The following NCOA3 variants were observed in gnomAD, a reference collection of about 807,000 sequenced individuals.
NCOA3 encodes CBP-interacting protein.
A neutral mutation model predicts 158.8 loss-of-function variants in NCOA3; 51 were observed. That is an observed-to-expected ratio of 0.32 (90% confidence interval 0.26 to 0.41). The LOEUF is 0.41. Ranked by LOEUF, NCOA3 falls within the 10% of genes least tolerant of loss-of-function variation. The pLI, the probability that NCOA3 is intolerant of heterozygous loss-of-function variation, is 1.00. For synonymous variants in NCOA3, 537 were observed against 592.4 expected, an observed-to-expected ratio of 0.91 and a Z score of 1.36; for missense variants, 1,510 against 1,746.6, an observed-to-expected ratio of 0.86 and a Z score of 2.41.
intron 1 of NCOA3, among the ~76,000 whole-genome samples, chr20:47,544,332 TTTTTTC>T (rs200195084): frequency 0.13 from 19,265 of 144,642 alleles, 1,674 homozygotes; most frequent in African/African-American, 0.27. Flanking sequence ...TTTTTTTTTT[TTTTTTC>T]CCTTAAACGC....
chr20:47,547,571 C>T (rs1458570937), intron 1 of NCOA3, among the ~76,000 whole-genome samples: 1 of 151,918 alleles, frequency 6.6e-6, no homozygotes, highest in Non-Finnish European at 1.5e-5. Context: ...CATCACCATG[C>T]CCGACTAATT....
At chr20:47,551,019 G>A (rs2084920307) in intron 1 of NCOA3, among the ~76,000 whole-genome samples, 1 of 151,958 alleles carries the variant, frequency 6.6e-6, no homozygotes, top group Non-Finnish European at 1.5e-5. Context: ...TCAGATATAG[G>A]ATAATAAAAT....
At chr20:47,586,468 C>T (rs2085537982) in intron 2 of NCOA3, among the ~76,000 whole-genome samples, 1 of 152,010 alleles carries the variant, frequency 6.6e-6, no homozygotes. Flanking sequence ...TGTATTCCTA[C>T]AGATAGGGTC....
At chr20:47,552,502 C>T (rs948626319) in intron 1 of NCOA3, among the ~76,000 whole-genome samples, 8 of 152,044 alleles carry the variant, frequency 5.3e-5, no homozygotes, top group African/African-American at 1.4e-4. Flanking sequence ...TTGCTGAAGC[C>T]CTTGTCCATA....
intron 2 of NCOA3, among the ~76,000 whole-genome samples, chr20:47,605,022 T>C (rs1347905754): frequency 6.6e-6 from 1 of 152,046 alleles, no homozygotes; most frequent in Non-Finnish European, 1.5e-5. Flanking sequence ...CGCATGCCAC[T>C]ACCCCCGGCC....
intron 1 of NCOA3, among the ~76,000 whole-genome samples, chr20:47,511,524 GATATATATATAT>G (rs34123990): frequency 0.019 from 411 of 22,016 alleles, 32 homozygotes; most frequent in African/African-American, 0.035. Context: ...TCTCTCTCGA[GATATATATATAT>G]ATATATATAT....
intron 1 of NCOA3, among the ~76,000 whole-genome samples, chr20:47,558,232 ATTTTTTTT>A (rs71183263): frequency 2.3e-4 from 13 of 55,536 alleles, no homozygotes; most frequent in African/African-American, 4.5e-4. Flanking sequence ...CTAATTTTGT[ATTTTTTTT>A]TTTTTTTTTT....
rs772358977 is a variant in NCOA3, at chr20:47,636,780, T to C, written c.2376+18T>C. 10 of 1,571,412 alleles carry C rather than the reference T, an allele frequency of 6.4e-6. No individual in the cohort carries two copies. Among genetic ancestry groups the C allele is most frequent in the Admixed American group, 1.8e-5 (1 of 54,578 alleles). ...GTGAAGAGGTAATTTGTTTTCTGTA[T>C]ATTTCAGCTCATATTTCATCATTTT... On this transcript the variant is annotated intron_variant, in intron 12 of 22. Transcript: ENST00000371998.
At chr20:47,516,274 G>A (rs2084232930) in intron 1 of NCOA3, among the ~76,000 whole-genome samples, 1 of 152,132 alleles carries the variant, frequency 6.6e-6, no homozygotes, top group South Asian at 2.1e-4. Flanking sequence ...CATGGGTTTG[G>A]GCAGGAGGTA....
chr20:47,511,550 T>TATATATATATATATAGATATACAC, intron 1 of NCOA3, among the ~76,000 whole-genome samples: 1 of 52,270 alleles, frequency 1.9e-5, no homozygotes, highest in African/African-American at 5.4e-5. Flanking sequence ...TATATATATA[T>TATATATATATATATAGATATACAC]ATATATTTCT....
In NCOA3 at chr20:47,653,622, T is replaced by G. The variant is rs1397075046; in HGVS notation, c.*205T>G. On this transcript the variant is annotated 3_prime_UTR_variant, in exon 23 of 23. Coordinates refer to ENST00000371998, the MANE Select transcript of NCOA3 (RefSeq NM_181659.3). ...TATCTACGTGTTTTTCCCCCCTCCT[T>G]CTGCTGTGTATCATGGTGTTCAAAA... 1 of 643,034 alleles carries G rather than the reference T, an allele frequency of 1.6e-6. No individual in the cohort carries two copies. Among genetic ancestry groups the G allele is most frequent in the Non-Finnish European group, 2.7e-6 (1 of 364,892 alleles). The allele number at this position is 643,034 out of a possible 1,614,324, so 39.8% of individuals were successfully genotyped here.
At chr20:47,644,440 C>T (rs779258041) in intron 17 of NCOA3, among the ~76,000 whole-genome samples, 115 of 152,296 alleles carry the variant, frequency 7.6e-4, no homozygotes, top group Non-Finnish European at 1.2e-3. Context: ...TGAGCCACCG[C>T]GCCTGGCCCT....
At chr20:47,597,649 C>T (rs2085783196) in intron 2 of NCOA3, among the ~76,000 whole-genome samples, 1 of 151,606 alleles carries the variant, frequency 6.6e-6, no homozygotes, top group Non-Finnish European at 1.5e-5. Context: ...CCACCAAGCC[C>T]AGCTACTTTT....
intron 21 of NCOA3, 144 bp from the exon 22 acceptor site, chr20:47,652,787 G>A: frequency 1.9e-6 from 2 of 1,049,470 alleles, no homozygotes; most frequent in Non-Finnish European, 2.8e-6. Flanking sequence ...TGTGAAAAAT[G>A]GATCACAGGC....
At chr20:47,537,520 A>T (rs2084654688) in intron 1 of NCOA3, among the ~76,000 whole-genome samples, 2 of 152,118 alleles carry the variant, frequency 1.3e-5, no homozygotes, top group East Asian at 1.9e-4. Context: ...AGAAAATGTA[A>T]AACTGCCAAA....
chr20:47,649,129 C>T lies in NCOA3; in HGVS notation c.3651+20C>T, dbSNP rs531524759. 11 of 1,514,136 alleles carry T rather than the reference C, an allele frequency of 7.3e-6. No homozygotes were observed. The African/African-American group carries it at 1.2e-4, about 17-fold the overall frequency. 93.8% of individuals were successfully genotyped at this position (1,514,136 alleles called of 1,614,324 possible). On this transcript the variant is annotated intron_variant, in intron 19 of 22. Coordinates refer to ENST00000371998, the MANE Select transcript of NCOA3 (RefSeq NM_181659.3). Reference sequence around the variant, plus strand: ...TCCCAGGTGAGGATGATAAGCCTCTCCACATGCATTGCTCTGTGCTCAGGA... The same window carrying T: ...TCCCAGGTGAGGATGATAAGCCTCTTCACATGCATTGCTCTGTGCTCAGGA...
At chr20:47,558,083 G>A (rs376413742) in intron 1 of NCOA3, among the ~76,000 whole-genome samples, 13 of 147,182 alleles carry the variant, frequency 8.8e-5, no homozygotes, top group African/African-American at 3.3e-4. Flanking sequence ...TTGAGATGGA[G>A]TCTGTCTCTT....
rs2086863518 is a variant in NCOA3 at position 47,655,849 on chromosome 20, T to C, written c.*2432T>C. Reference sequence around the variant, plus strand: ...CTAACTGGAAGGCAGCACTCCCTTTTTTATATAGTAGAAAAATGAAGTTTA... The same window carrying C: ...CTAACTGGAAGGCAGCACTCCCTTTCTTATATAGTAGAAAAATGAAGTTTA... On this transcript the variant is annotated 3_prime_UTR_variant, in exon 23 of 23. Coordinates refer to ENST00000371998, the MANE Select transcript of NCOA3 (RefSeq NM_181659.3). The C allele has an allele frequency of 1.3e-5, 2 of 152,558 alleles. 1 individual carries two copies. The highest frequency in any genetic ancestry group is 4.1e-4 in the South Asian group (2 of 4,832). 9.5% of individuals were successfully genotyped at this position (152,558 alleles called of 1,614,324 possible). A position where few individuals can be genotyped will look rare whatever the true frequency, so the allele number is the denominator to read the frequency against.
intron 2 of NCOA3, among the ~76,000 whole-genome samples, chr20:47,585,270 C>G (rs1663209806): frequency 6.6e-6 from 1 of 151,990 alleles, no homozygotes; most frequent in Non-Finnish European, 1.5e-5. Flanking sequence ...CAGGCTGAAA[C>G]TCCTGGCCTC....
Sources: gnomAD v4.1 joint callset for allele counts (sites outside exome capture counted in the v4.1 genomes callset) on GRCh38, gnomAD v4.1.1 for gene constraint, MANE v1.5 for transcripts, NCBI Gene and HGNC (gene_info 2026-07-23, HGNC 2026-07-21) for gene names.